PDZRN3: variants seen among roughly 807,000 people sequenced by gnomAD.
The protein encoded by PDZRN3 is PDZ domain containing ring finger 3, also known as E3 ubiquitin-protein ligase PDZRN3.
In PDZRN3, 38 loss-of-function variants were observed where a neutral mutation model predicts 85.7. That is an observed-to-expected ratio of 0.44 (90% CI 0.34 to 0.58). PDZRN3 has a LOEUF of 0.58. Among genes scored for constraint, PDZRN3 ranks in the 20% least tolerant of loss-of-function variants. PDZRN3 has a pLI of 0.01. For missense variants in PDZRN3, 1,629 were observed against 1,506.4 expected (o/e 1.08, Z -1.35); for synonymous variants, 759 against 638.0 (o/e 1.19, Z -2.86).
At chr3:73,426,901 C>A (rs1646098498) in intron 3 of PDZRN3, among the ~76,000 whole-genome samples, 2 of 152,124 alleles carry the variant, frequency 1.3e-5, no homozygotes, top group Admixed American at 6.6e-5. Flanking sequence ...GAGACTCTTC[C>A]ACAGTCAAAA....
intron 3 of PDZRN3, among the ~76,000 whole-genome samples, chr3:73,549,997 G>C (rs967469105): frequency 2.6e-5 from 4 of 152,190 alleles, no homozygotes; most frequent in African/African-American, 9.7e-5. Flanking sequence ...TGCAGATGCT[G>C]CCTTAGCAAA....
chr3:73,463,657 C>A (rs1458304548), intron 3 of PDZRN3, among the ~76,000 whole-genome samples: 1 of 152,086 alleles, frequency 6.6e-6, no homozygotes, highest in African/African-American at 2.4e-5. Flanking sequence ...TACCCAGCAA[C>A]CCCATTATTG....
At chr3:73,397,962 G>A (rs535745001) in intron 5 of PDZRN3, among the ~76,000 whole-genome samples, 1 of 152,262 alleles carries the variant, frequency 6.6e-6, no homozygotes, top group Admixed American at 6.5e-5. Context: ...AATGGCTTGT[G>A]AGCTCCTTAA....
intron 5 of PDZRN3, among the ~76,000 whole-genome samples, chr3:73,393,230 G>A (rs1051250126): frequency 6.6e-6 from 1 of 152,134 alleles, no homozygotes; most frequent in African/African-American, 2.4e-5. Context: ...AGAAAAATGA[G>A]AAAGACAAGA....
chr3:73,471,344 G>C lies in PDZRN3; in HGVS notation c.919-66949C>G, dbSNP rs536196515. 2.0e-5 allele frequency among the ~76,000 whole-genome samples: 3 copies of C among 152,248 alleles called. No individual in the cohort carries two copies. The East Asian group carries it at 5.8e-4, about 29-fold the overall frequency. ...AGGAACGTGGCCCTGAAAACACCCT[G>C]ATTTTGGGTTTCTAGCCTTCAGAAC... On this transcript the variant is annotated intron_variant, in intron 3 of 9. Transcript: ENST00000263666.
chr3:73,389,382 C>G lies in PDZRN3; in HGVS notation c.1416+434G>C, dbSNP rs1008120765. ...TTTTCAATCGATGCTGCTAAATTTG[C>G]CAAAAATGTTCCCCTTTTATGGACG... On this transcript the variant is annotated intron_variant, in intron 7 of 9. Coordinates refer to ENST00000263666, the MANE Select transcript of PDZRN3 (RefSeq NM_015009.3). 3.3e-5 allele frequency among the ~76,000 whole-genome samples: 5 copies of G among 152,084 alleles called. 1 individual carries two copies. The highest frequency in any genetic ancestry group is 7.4e-5 in the Non-Finnish European group (5 of 68,016).
intron 3 of PDZRN3, among the ~76,000 whole-genome samples, chr3:73,518,528 T>C (rs146341190): frequency 5.5e-4 from 83 of 152,286 alleles, no homozygotes; most frequent in Middle Eastern, 3.4e-3. Context: ...TTTACCACAA[T>C]AATTTTTTTA....
chr3:73,407,334 G>C (rs1452412187), intron 3 of PDZRN3, among the ~76,000 whole-genome samples: 1 of 152,142 alleles, frequency 6.6e-6, no homozygotes, highest in African/African-American at 2.4e-5. Context: ...AACACACTGA[G>C]GATGGCAGAG....
chr3:73,563,425 G>A (rs1191854890), intron 3 of PDZRN3, among the ~76,000 whole-genome samples: 1 of 144,054 alleles, frequency 6.9e-6, no homozygotes, highest in Non-Finnish European at 1.5e-5. Context: ...CCCGTAGAAG[G>A]AATATTCCTC....
In PDZRN3 at chr3:73,624,117, G is replaced by T; in HGVS notation, c.709C>A (p.Pro237Thr). The T allele has an allele frequency of 6.8e-7, 1 of 1,464,690 alleles. No homozygotes were observed. Among genetic ancestry groups the T allele is most frequent in the East Asian group, 3.0e-5 (1 of 33,762 alleles). The allele number at this position is 1,464,690 out of a possible 1,614,324, so 90.7% of individuals were successfully genotyped here. The change falls in exon 1 of 10, where the codon CCG becomes ACG. Residue 237 changes from proline to threonine, a missense_variant. By Grantham distance (38) the Pro-to-Thr change is conservative. Coordinates refer to ENST00000263666, the MANE Select transcript of PDZRN3 (RefSeq NM_015009.3). ...LDSLSRCVAAPPGGKGEETKS... is the reference protein window; with the variant it reads ...LDSLSRCVAATPGGKGEETKS... ...CAGGCGCCTACCTTGCCGCCGGGCG[G>T]CGCGGCCACGCAGCGGCTGAGCGAG...
chr3:73,460,657 T>A (rs1703084932), intron 3 of PDZRN3, among the ~76,000 whole-genome samples: 1 of 152,216 alleles, frequency 6.6e-6, no homozygotes, highest in Non-Finnish European at 1.5e-5. Flanking sequence ...AGCATGAAGG[T>A]GCTCTTAGTA....
chr3:73,419,266 A>G (rs1231513147), intron 3 of PDZRN3, among the ~76,000 whole-genome samples: 3 of 152,152 alleles, frequency 2.0e-5, no homozygotes, highest in Non-Finnish European at 2.9e-5. Flanking sequence ...ATTATGTCAA[A>G]TGTAAGGCTG....
At chr3:73,546,023 TGAG>T (rs1422770400) in intron 3 of PDZRN3, among the ~76,000 whole-genome samples, 3 of 152,238 alleles carry the variant, frequency 2.0e-5, no homozygotes, top group Non-Finnish European at 4.4e-5. Context: ...AGTAGCTGCC[TGAG>T]GGCAGGGGCC....
At chr3:73,431,961 G>A (rs1456260283) in intron 3 of PDZRN3, among the ~76,000 whole-genome samples, 1 of 152,158 alleles carries the variant, frequency 6.6e-6, no homozygotes, top group African/African-American at 2.4e-5. Flanking sequence ...ACTTTTTGGA[G>A]GGTGCCAGTG....
intron 3 of PDZRN3, among the ~76,000 whole-genome samples, chr3:73,596,937 A>G (rs910137306): frequency 1.1e-4 from 17 of 152,180 alleles, no homozygotes; most frequent in African/African-American, 3.6e-4. Flanking sequence ...TTATTCCTAA[A>G]AAGTTCACAC....
intron 3 of PDZRN3, among the ~76,000 whole-genome samples, chr3:73,562,074 G>C (rs1701829599): frequency 6.6e-6 from 1 of 152,042 alleles, no homozygotes. Context: ...CTTTTGATCT[G>C]GTTTGATTTA....
At chr3:73,483,149 T>TG (rs1703598562) in intron 3 of PDZRN3, among the ~76,000 whole-genome samples, 1 of 152,236 alleles carries the variant, frequency 6.6e-6, no homozygotes, top group African/African-American at 2.4e-5. Flanking sequence ...ACCAGGCATC[T>TG]GAGTGGCTGC....
chr3:73,483,694 G>C (rs976708986), intron 3 of PDZRN3, among the ~76,000 whole-genome samples: 1 of 152,206 alleles, frequency 6.6e-6, no homozygotes, highest in Non-Finnish European at 1.5e-5. Flanking sequence ...AGGTGAGGTG[G>C]GTTTAATTGA....
intron 3 of PDZRN3, among the ~76,000 whole-genome samples, chr3:73,518,736 T>C (rs999087231): frequency 6.6e-6 from 1 of 152,130 alleles, no homozygotes; most frequent in African/African-American, 2.4e-5. Context: ...GATGTTGCCT[T>C]CCGTCTTCAC....
Sources: allele counts gnomAD v4.1 joint callset (sites outside exome capture counted in the v4.1 genomes callset), GRCh38; gene constraint gnomAD v4.1.1; transcripts MANE v1.5; gene names NCBI Gene and HGNC (gene_info 2026-07-23, HGNC 2026-07-21).